Variants in CADM1 observed in about 807,000 individuals in gnomAD.
CADM1 encodes cell adhesion molecule 1, also known as TSLC-1.
A neutral mutation model predicts 53.1 loss-of-function variants in CADM1; 15 were observed. The observed-to-expected ratio is 0.28, with a 90% confidence interval of 0.19 to 0.44. The LOEUF (loss-of-function observed/expected upper bound fraction) is 0.44. CADM1 is among the 20% of genes least tolerant of loss of function. CADM1 has a pLI of 1.00. For missense variants in CADM1, 434 were observed against 611.3 expected (o/e 0.71, Z 3.06); for synonymous variants, 281 against 243.0 (o/e 1.16, Z -1.45).
At chr11:115,355,010 C>T (rs2135072564) in intron 1 of CADM1, among the ~76,000 whole-genome samples, 1 of 152,272 alleles carries the variant, frequency 6.6e-6, no homozygotes, top group African/African-American at 2.4e-5. Flanking sequence ...CAAAAACACT[C>T]CTCTACATCT....
chr11:115,175,377 A>AG lies in CADM1; in HGVS notation c.*1096_*1097insC. On this transcript the variant is annotated 3_prime_UTR_variant, in exon 12 of 12. Transcript: ENST00000331581. Reference sequence around the variant, plus strand: ...TGCCTTCCTAACTAAGCACAAAGGAAAAAAAAAAAAAAATCAACTCTGTCC... The same window carrying AG: ...TGCCTTCCTAACTAAGCACAAAGGAAGAAAAAAAAAAAAATCAACTCTGTCC... 1 of 344,680 alleles carries AG rather than the reference A, an allele frequency of 2.9e-6. No individual in the cohort carries two copies. The highest frequency in any genetic ancestry group is 3.4e-6 in the Non-Finnish European group (1 of 295,378). The allele number at this position is 344,680 out of a possible 1,614,324, so 21.4% of individuals were successfully genotyped here. A position where few individuals can be genotyped will look rare whatever the true frequency, so the allele number is the denominator to read the frequency against.
Position 115,356,127 on chromosome 11 carries a change from G to A in CADM1, c.125-115707C>T, listed in dbSNP as rs577477834. 6.6e-5 allele frequency among the ~76,000 whole-genome samples: 10 copies of A among 151,954 alleles called. No individual in the cohort carries two copies. The South Asian group carries it at 1.5e-3, about 22-fold the overall frequency. On this transcript the variant is annotated intron_variant, in intron 1 of 11. Transcript: ENST00000331581. ...ATTACAGGCGTAAGCTACCGCGCCC[G>A]GCTGAGGTACACTATAATATAACTC...
At chr11:115,224,926 C>G (rs1300283197) in intron 5 of CADM1, among the ~76,000 whole-genome samples, 1 of 152,154 alleles carries the variant, frequency 6.6e-6, no homozygotes, top group East Asian at 1.9e-4. Context: ...ACCACCTGTA[C>G]AGACATTCGC....
At chr11:115,194,482 A>G (rs765097701) in intron 9 of CADM1, among the ~76,000 whole-genome samples, 40 of 152,298 alleles carry the variant, frequency 2.6e-4, no homozygotes, top group Non-Finnish European at 5.0e-4. Context: ...TGAAAATGAG[A>G]AATTATTCTT....
chr11:115,418,972 A>T (rs961940017), intron 1 of CADM1, among the ~76,000 whole-genome samples: 3 of 152,210 alleles, frequency 2.0e-5, no homozygotes, highest in Non-Finnish European at 4.4e-5. Flanking sequence ...AAGGAAAAGG[A>T]ATCTGAACTG....
chr11:115,304,836 T>G (rs2135144970), intron 1 of CADM1, among the ~76,000 whole-genome samples: 1 of 152,116 alleles, frequency 6.6e-6, no homozygotes, highest in East Asian at 1.9e-4. Context: ...TGTCAGACAG[T>G]TTTTGTCCTT....
At chr11:115,215,516 C>T (rs1322103779) in intron 6 of CADM1, among the ~76,000 whole-genome samples, 5 of 152,168 alleles carry the variant, frequency 3.3e-5, no homozygotes, top group Admixed American at 2.0e-4. Flanking sequence ...TCCCCAAGCT[C>T]GTGGGTAGGG....
rs553618979 is a variant in CADM1 at position 115,232,010 on chromosome 11, T to TAAC, written c.425-521_425-520insGTT. On this transcript the variant is annotated intron_variant, in intron 3 of 11. Coordinates refer to ENST00000331581, the MANE Select transcript of CADM1 (RefSeq NM_001301043.2). ...TCAATAATAATAATAATAATAATAA[T>TAAC]AATAACAACAACAACAACAACAACC... Among the ~76,000 whole-genome samples the TAAC allele has an allele frequency of 4.7e-3, 661 of 141,802 alleles. 3 individuals are homozygous for TAAC. The highest frequency in any genetic ancestry group is 0.019 in the Middle Eastern group (5 of 266). 93.0% of individuals were successfully genotyped at this position (141,802 alleles called of 152,430 possible).
At chr11:115,227,284 T>A (rs1467662982) in intron 5 of CADM1, among the ~76,000 whole-genome samples, 2 of 152,176 alleles carry the variant, frequency 1.3e-5, no homozygotes, top group East Asian at 1.9e-4. Context: ...ATCTACAGAT[T>A]ATGGAAACCA....
intron 4 of CADM1, among the ~76,000 whole-genome samples, chr11:115,231,119 G>A (rs1198879890): frequency 1.3e-5 from 2 of 152,152 alleles, no homozygotes; most frequent in East Asian, 1.9e-4. Context: ...CTGGGCATCT[G>A]AGTAGAGCGA....
intron 1 of CADM1, among the ~76,000 whole-genome samples, chr11:115,358,055 T>C (rs1368544124): frequency 6.6e-6 from 1 of 152,182 alleles, no homozygotes; most frequent in African/African-American, 2.4e-5. Context: ...TACAGTTTAA[T>C]GAGTTCTGGC....
At chr11:115,381,628 T>C (rs1352424459) in intron 1 of CADM1, among the ~76,000 whole-genome samples, 2 of 152,190 alleles carry the variant, frequency 1.3e-5, no homozygotes, top group Admixed American at 1.3e-4. Context: ...ATCTTTCTCA[T>C]TCGGTTGTTA....
chr11:115,302,347 G>C (rs767656768), intron 1 of CADM1, among the ~76,000 whole-genome samples: 2 of 152,026 alleles, frequency 1.3e-5, no homozygotes, highest in Non-Finnish European at 2.9e-5. Context: ...ATGTGAAATA[G>C]AATTTCTCAG....
At chr11:115,343,745 A>G (rs1230439826) in intron 1 of CADM1, among the ~76,000 whole-genome samples, 1 of 151,534 alleles carries the variant, frequency 6.6e-6, no homozygotes, top group Admixed American at 6.6e-5. Context: ...AATAGCATCG[A>G]ATACAGAAAA....
chr11:115,243,244 C>G (rs529105743), intron 1 of CADM1, among the ~76,000 whole-genome samples: 2 of 152,334 alleles, frequency 1.3e-5, no homozygotes, highest in Non-Finnish European at 2.9e-5. Context: ...GTATCATCAT[C>G]ATGACTGTAT....
Position 115,359,313 on chromosome 11 carries a change from AAAATT to A in CADM1, c.125-118898_125-118894del, listed in dbSNP as rs568916795. On this transcript the variant is annotated intron_variant, in intron 1 of 11. Coordinates refer to ENST00000331581, the MANE Select transcript of CADM1 (RefSeq NM_001301043.2). Reference sequence around the variant, plus strand: ...GATTATTAAGTAATTTGGGGATATAAAAATTAAATTAAAATTTCTCTTTCATTTTA... The same window carrying A: ...GATTATTAAGTAATTTGGGGATATAAAAATTAAAATTTCTCTTTCATTTTA... Among the ~76,000 whole-genome samples, 42 of 152,306 alleles carry A rather than the reference AAAATT, an allele frequency of 2.8e-4. No individual in the cohort carries two copies. In the South Asian group the frequency reaches 7.9e-3, roughly 29 times the overall value.
intron 1 of CADM1, among the ~76,000 whole-genome samples, chr11:115,362,331 T>A (rs975181280): frequency 6.6e-6 from 1 of 152,144 alleles, no homozygotes; most frequent in African/African-American, 2.4e-5. Flanking sequence ...AGATTGGCCA[T>A]TTGGAATGTT....
intron 1 of CADM1, among the ~76,000 whole-genome samples, chr11:115,289,869 A>C (rs1943841310): frequency 2.0e-5 from 3 of 152,100 alleles, no homozygotes; most frequent in Admixed American, 6.5e-5. Flanking sequence ...TGCTGGGATT[A>C]CAGGCGTGAA....
chr11:115,191,304 GATGT>G (rs1939848422), intron 9 of CADM1, among the ~76,000 whole-genome samples: 1 of 152,138 alleles, frequency 6.6e-6, no homozygotes, highest in Admixed American at 6.5e-5. Flanking sequence ...GTTACATACT[GATGT>G]ATGTACATTT....
Sources: gnomAD v4.1 joint callset for allele counts (sites outside exome capture counted in the v4.1 genomes callset) on GRCh38, gnomAD v4.1.1 for gene constraint, MANE v1.5 for transcripts, NCBI Gene and HGNC (gene_info 2026-07-23, HGNC 2026-07-21) for gene names.